The following WDR26 variants were observed in gnomAD, a reference collection of about 807,000 sequenced individuals.
WDR26 encodes the protein WD repeat-containing protein 26.
In WDR26, 5 loss-of-function variants were observed where a neutral mutation model predicts 84.1. The observed-to-expected ratio is 0.06, with a 90% CI of 0.03 to 0.13. The LOEUF is 0.13. Among genes scored for constraint, WDR26 ranks in the 10% least tolerant of loss-of-function variants. The probability of loss-of-function intolerance (pLI) is 1.00; values close to 1 mark genes in which losing one functional copy is unlikely to be tolerated. For synonymous variants in WDR26, 415 were observed against 389.6 expected, an observed-to-expected ratio of 1.07 and a Z score of -0.77; for missense variants, 642 against 974.9, an observed-to-expected ratio of 0.66 and a Z score of 4.55.
At position 224,433,843 on chromosome 1, in the gene WDR26, G is replaced by A. The variant is rs1345350680; in HGVS notation, c.563C>T (p.Ser188Phe). 6 of 1,536,782 alleles carry A rather than the reference G, an allele frequency of 3.9e-6. No individual in the cohort carries two copies. Among genetic ancestry groups the A allele is most frequent in the Non-Finnish European group, 5.2e-6 (6 of 1,146,798 alleles). ...GGAGGCAGCTGCGACGGTGGCTGAG[G>A]ATGCGGCGGCCGCCCCGCCGGGAAC... The change falls in exon 1 of 14, where the codon TCC (serine) becomes TTC (phenylalanine). Residue 188 changes from serine to phenylalanine, a missense_variant. This residue lies in a region of WDR26 where 291 missense variants were observed against 302.1 expected (regional missense o/e 0.96). Transcript: ENST00000414423.
Position 224,434,741 on chromosome 1 carries a change from G to C in WDR26, c.-336C>G. 1 of 986,850 alleles carries C rather than the reference G, an allele frequency of 1.0e-6. No homozygotes were observed. Among genetic ancestry groups the C allele is most frequent in the Non-Finnish European group, 1.2e-6 (1 of 831,060 alleles). 61.1% of individuals were successfully genotyped at this position (986,850 alleles called of 1,614,324 possible). A position where few individuals can be genotyped will look rare whatever the true frequency, so the allele number is the denominator to read the frequency against. On this transcript the variant is annotated 5_prime_UTR_variant, in exon 1 of 14. Coordinates refer to ENST00000414423, the MANE Select transcript of WDR26 (RefSeq NM_001379403.1). The stretch of plus-strand genomic sequence containing the variant: ...GGAGGCAGCTGCCGCCTCTGTCCTC[G>C]GATCCGCTCCGCTCTGCTCCCTGGT...
At chr1:224,424,014 C>T (rs757111931) in intron 4 of WDR26, among the ~76,000 whole-genome samples, 1 of 151,808 alleles carries the variant, frequency 6.6e-6, no homozygotes, top group Non-Finnish European at 1.5e-5. Flanking sequence ...AGTTTGAGAT[C>T]ACACTGGACA....
chr1:224,434,612 G>C lies in WDR26; in HGVS notation c.-207C>G. ...GAGGCAGCTCGGGGTGCGCGGCCCG[G>C]GGGTCGCGCCGGGGGGCGCCGCGGG... is the stretch of plus-strand genomic sequence containing the variant. On this transcript the variant is annotated 5_prime_UTR_variant, in exon 1 of 14. Coordinates refer to ENST00000414423, the MANE Select transcript of WDR26 (RefSeq NM_001379403.1). The C allele has an allele frequency of 1.8e-6, 1 of 551,152 alleles. No individual in the cohort carries two copies. 34.1% of individuals were successfully genotyped at this position (551,152 alleles called of 1,614,324 possible).
chr1:224,416,041 A>T (rs1017394868), intron 6 of WDR26, among the ~76,000 whole-genome samples: 18 of 152,210 alleles, frequency 1.2e-4, no homozygotes, highest in African/African-American at 4.3e-4. Flanking sequence ...AGACATTGCG[A>T]ATGTGTAGTA....
intron 6 of WDR26, among the ~76,000 whole-genome samples, chr1:224,416,235 T>C (rs1280203459): frequency 2.0e-5 from 3 of 152,014 alleles, no homozygotes; most frequent in African/African-American, 7.2e-5. Flanking sequence ...TTCTTTCTTT[T>C]TTTTTTTTCT....
At position 224,431,512 on chromosome 1, in the gene WDR26, G is replaced by T. The variant is rs1558447909; in HGVS notation, c.892C>A (p.Leu298Ile). The change falls in exon 3 of 14, where the codon CTT becomes ATT. Residue 298 changes from leucine to isoleucine, a missense_variant. By Grantham distance (5) the Leu-to-Ile change is conservative. Coordinates refer to ENST00000414423, the MANE Select transcript of WDR26 (RefSeq NM_001379403.1). ...CCCAACAACGTTTGAGAGATTTCAA[G>T]TGCGCCTCTTACCACAATAGCATGA... 1.2e-6 allele frequency: 2 copies of T among 1,613,930 alleles called. No individual in the cohort carries two copies. Among genetic ancestry groups the T allele is most frequent in the Non-Finnish European group, 8.5e-7 (1 of 1,179,968 alleles).
chr1:224,427,768 G>C (rs1032237617), intron 3 of WDR26, among the ~76,000 whole-genome samples: 3 of 152,126 alleles, frequency 2.0e-5, no homozygotes, highest in Non-Finnish European at 4.4e-5. Context: ...GAGTAAAACT[G>C]TATTTTACCT....
At chr1:224,394,648 G>T (rs1040141192) in intron 12 of WDR26, among the ~76,000 whole-genome samples, 2 of 152,044 alleles carry the variant, frequency 1.3e-5, no homozygotes, top group Admixed American at 1.3e-4. Context: ...GGGATTACAG[G>T]TGTGTGTGAC....
chr1:224,396,930 G>T (rs1224098256), intron 12 of WDR26, among the ~76,000 whole-genome samples: 2 of 152,008 alleles, frequency 1.3e-5, no homozygotes, highest in Non-Finnish European at 2.9e-5. Context: ...AGGAATAGAT[G>T]AATTTATATG....
At chr1:224,403,329 C>T (rs748230210) in intron 8 of WDR26, among the ~76,000 whole-genome samples, 1 of 152,120 alleles carries the variant, frequency 6.6e-6, no homozygotes, top group Non-Finnish European at 1.5e-5. Context: ...GGATTATAGG[C>T]GTGAGCCACC....
At chr1:224,400,851 A>G (rs755902396) in intron 9 of WDR26, 99 bp downstream of exon 9, 79 of 1,504,114 alleles carry the variant, frequency 5.3e-5, no homozygotes, top group Non-Finnish European at 6.7e-5. Context: ...TGGCCCACAG[A>G]GTATACTTTG....
chr1:224,424,457 T>C, intron 4 of WDR26, 61 bp downstream of exon 4: 2 of 1,575,406 alleles, frequency 1.3e-6, no homozygotes, highest in Non-Finnish European at 1.7e-6. Flanking sequence ...TTTGGAAAAA[T>C]GTTAAAGAAA....
chr1:224,415,562 G>A (rs1673876920), intron 6 of WDR26, among the ~76,000 whole-genome samples: 1 of 148,428 alleles, frequency 6.7e-6, no homozygotes, highest in Non-Finnish European at 1.5e-5. Context: ...CCAGGTTCAA[G>A]TGATTCTCCT....
intron 13 of WDR26, among the ~76,000 whole-genome samples, chr1:224,391,481 T>C (rs1320541831): frequency 6.6e-6 from 1 of 152,174 alleles, no homozygotes; most frequent in Non-Finnish European, 1.5e-5. Context: ...GAGTTGAGTG[T>C]ATTTTTATTT....
At chr1:224,415,767 T>C (rs6693653) in intron 6 of WDR26, among the ~76,000 whole-genome samples, 86,500 of 152,066 alleles carry the variant, frequency 0.57, 28,437 homozygotes, top group East Asian at 0.97. Flanking sequence ...GCCTGGAACA[T>C]GTATTTCTTA....
chr1:224,422,675 T>C (rs566964422), intron 4 of WDR26, among the ~76,000 whole-genome samples: 27 of 151,342 alleles, frequency 1.8e-4, no homozygotes, highest in Admixed American at 5.3e-4. Flanking sequence ...GATTGCACCA[T>C]TGCACCCCAG....
intron 7 of WDR26, among the ~76,000 whole-genome samples, chr1:224,407,623 C>T (rs548536618): frequency 6.6e-6 from 1 of 151,694 alleles, no homozygotes; most frequent in East Asian, 1.9e-4. Context: ...ATTCTCCTGC[C>T]TCAGCCTCCA....
intron 6 of WDR26, among the ~76,000 whole-genome samples, chr1:224,416,775 T>G (rs1229288123): frequency 6.6e-6 from 1 of 152,178 alleles, no homozygotes; most frequent in African/African-American, 2.4e-5. Context: ...AAAAAAAGAT[T>G]TGGGTTCACA....
chr1:224,394,095 AG>A lies in WDR26; in HGVS notation c.2075-83del, dbSNP rs1199791179. On this transcript the variant is annotated intron_variant, in intron 12 of 13. Transcript: ENST00000414423. Reference sequence around the variant, plus strand: ...CTTAAATTTATCATTCACTACACACAGGACTCTTTACTAGAACTTAAAGGGA... The same window carrying A: ...CTTAAATTTATCATTCACTACACACAGACTCTTTACTAGAACTTAAAGGGA... 15 of 1,076,032 alleles carry A rather than the reference AG, an allele frequency of 1.4e-5. No individual in the cohort carries two copies. The South Asian group carries it at 4.7e-4, about 34-fold the overall frequency. 66.7% of individuals were successfully genotyped at this position (1,076,032 alleles called of 1,614,324 possible).
Sources: gnomAD v4.1 joint callset for allele counts (sites outside exome capture counted in the v4.1 genomes callset) on GRCh38, gnomAD v4.1.1 for gene constraint, gnomAD v4.1.1 regional missense constraint, MANE v1.5 for transcripts, NCBI Gene and HGNC (gene_info 2026-07-23, HGNC 2026-07-21) for gene names.